Variants in VTI1A observed in about 807,000 individuals in gnomAD.
The protein encoded by VTI1A is vesicle transport through interaction with t-SNAREs homolog 1A.
VTI1A carries 22 observed loss-of-function variants against 34.9 expected under a neutral mutation model. The ratio of observed to expected loss-of-function variants is 0.63; its 90% CI spans 0.45 to 0.90. VTI1A has a LOEUF of 0.90. Among genes scored for constraint, VTI1A ranks in the 40% least tolerant of loss-of-function variants. VTI1A has a pLI of 0.00. For synonymous variants in VTI1A, 87 were observed against 97.3 expected (o/e 0.89, Z 0.62); for missense variants, 268 against 275.6 (o/e 0.97, Z 0.20).
At chr10:112,556,510 T>C (rs1042074365) in intron 5 of VTI1A, among the ~76,000 whole-genome samples, 11 of 152,048 alleles carry the variant, frequency 7.2e-5, no homozygotes, top group African/African-American at 2.4e-4. Flanking sequence ...GTGGTCTCAT[T>C]CAGTGTAGAC....
intron 7 of VTI1A, among the ~76,000 whole-genome samples, chr10:112,764,107 G>A (rs1023049290): frequency 7.2e-5 from 11 of 152,154 alleles, no homozygotes; most frequent in African/African-American, 2.4e-4. Flanking sequence ...ACTGATGCCC[G>A]ACCTATAGCA....
At chr10:112,688,161 C>A (rs1421773362) in intron 7 of VTI1A, among the ~76,000 whole-genome samples, 1 of 151,750 alleles carries the variant, frequency 6.6e-6, no homozygotes, top group Non-Finnish European at 1.5e-5. Context: ...ACCTTGTTGG[C>A]CAGGCTGGTC....
chr10:112,553,857 C>T (rs566590941), intron 5 of VTI1A, among the ~76,000 whole-genome samples: 1 of 152,242 alleles, frequency 6.6e-6, no homozygotes, highest in East Asian at 1.9e-4. Context: ...AGAGGGAGAA[C>T]AATATAGGTG....
intron 4 of VTI1A, among the ~76,000 whole-genome samples, chr10:112,528,985 G>A (rs1334618684): frequency 6.6e-6 from 1 of 152,010 alleles, no homozygotes; most frequent in Non-Finnish European, 1.5e-5. Flanking sequence ...CACAAAAATA[G>A]ATTGAGTTCA....
In VTI1A at chr10:112,447,341, G is replaced by A. The variant is rs746457702; in HGVS notation, c.-33G>A. The A allele has an allele frequency of 6.2e-7, 1 of 1,606,124 alleles. No homozygotes were observed. Among genetic ancestry groups the A allele is most frequent in the East Asian group, 2.2e-5 (1 of 44,504 alleles). On this transcript the variant is annotated 5_prime_UTR_variant, in exon 1 of 8. Transcript: ENST00000393077. ...CCTCGAGGCCCTTTCCCTGACCTAGGCTTTGGCCTGGGCTACTCGTTCCGG... is the reference window on the plus strand; with the variant it reads ...CCTCGAGGCCCTTTCCCTGACCTAGACTTTGGCCTGGGCTACTCGTTCCGG...
chr10:112,709,231 G>A (rs1849312224), intron 7 of VTI1A, among the ~76,000 whole-genome samples: 1 of 152,128 alleles, frequency 6.6e-6, no homozygotes, highest in Admixed American at 6.5e-5. Flanking sequence ...CCTTCTTTAA[G>A]AGTGTCTGGT....
chr10:112,507,182 G>T (rs1849460459), intron 3 of VTI1A, among the ~76,000 whole-genome samples: 1 of 152,030 alleles, frequency 6.6e-6, no homozygotes. Context: ...ATGTCTTTAG[G>T]CTGGAGTTAG....
At chr10:112,583,313 G>A (rs890735554) in intron 5 of VTI1A, among the ~76,000 whole-genome samples, 2 of 152,032 alleles carry the variant, frequency 1.3e-5, no homozygotes, top group African/African-American at 4.8e-5. Flanking sequence ...ATTTTCTCAG[G>A]TCCCTAAGTT....
At chr10:112,519,064 A>G (rs1407207413) in intron 3 of VTI1A, among the ~76,000 whole-genome samples, 5 of 152,106 alleles carry the variant, frequency 3.3e-5, no homozygotes, top group Non-Finnish European at 7.4e-5. Flanking sequence ...TCTCTGAATT[A>G]TGAACCCTAT....
At chr10:112,813,580 A>C (rs1234745026) in intron 7 of VTI1A, among the ~76,000 whole-genome samples, 1 of 152,016 alleles carries the variant, frequency 6.6e-6, no homozygotes, top group Non-Finnish European at 1.5e-5. Flanking sequence ...AGGGGGAAAA[A>C]ATCAATTTGG....
chr10:112,778,094 C>G (rs1852004069), intron 7 of VTI1A, among the ~76,000 whole-genome samples: 1 of 151,806 alleles, frequency 6.6e-6, no homozygotes, highest in Non-Finnish European at 1.5e-5. Context: ...AAGAGCAAAA[C>G]TCCATCTCAA....
chr10:112,454,355 G>C (rs1034103608), intron 1 of VTI1A, among the ~76,000 whole-genome samples: 2 of 152,170 alleles, frequency 1.3e-5, no homozygotes, highest in African/African-American at 4.8e-5. Context: ...TAGGAAATGA[G>C]AGGCCAAGAT....
intron 7 of VTI1A, among the ~76,000 whole-genome samples, chr10:112,709,982 T>C (rs1476768013): frequency 6.9e-6 from 1 of 144,920 alleles, no homozygotes; most frequent in Non-Finnish European, 1.5e-5. Context: ...ATTGTACTGC[T>C]CTTGTTGGAC....
At chr10:112,832,060 C>A in the VTI1A span, 1 of 152,270 alleles carries the variant, frequency 6.6e-6, no homozygotes, top group Non-Finnish European at 1.5e-5. Flanking sequence ...AAAAGGATAG[C>A]TCGGCTGGTC....
intron 4 of VTI1A, among the ~76,000 whole-genome samples, chr10:112,536,109 A>G (rs1850605644): frequency 6.6e-6 from 1 of 152,202 alleles, no homozygotes; most frequent in Admixed American, 6.5e-5. Context: ...TCCTACATTA[A>G]ATATTATTAT....
At chr10:112,520,836 A>G (rs2134206737) in intron 3 of VTI1A, among the ~76,000 whole-genome samples, 1 of 152,158 alleles carries the variant, frequency 6.6e-6, no homozygotes, top group Admixed American at 6.6e-5. Flanking sequence ...AGCAAAAATA[A>G]TAAATGAGAG....
At position 112,816,006 on chromosome 10, in the gene VTI1A, TA is replaced by T. The variant is rs558637649; in HGVS notation, c.*624del. On this transcript the variant is annotated 3_prime_UTR_variant, in exon 8 of 8. Transcript: ENST00000393077. The stretch of plus-strand genomic sequence containing the variant: ...CATAATTTTTTTTTTAACCCAAAGA[TA>T]TTTTTTTTGCTGAGCCTGCCCAGTA... The T allele has an allele frequency of 8.6e-4, 194 of 224,826 alleles. No homozygotes were observed. The highest frequency in any genetic ancestry group is 1.2e-3 in the Non-Finnish European group (132 of 112,896). The allele number at this position is 224,826 out of a possible 1,614,324, so 13.9% of individuals were successfully genotyped here. A position where few individuals can be genotyped will look rare whatever the true frequency, so the allele number is the denominator to read the frequency against.
chr10:112,597,612 G>A (rs1390595753), intron 5 of VTI1A, among the ~76,000 whole-genome samples: 3 of 87,560 alleles, frequency 3.4e-5, no homozygotes, highest in Non-Finnish European at 7.7e-5. Context: ...GAGCCCAAGA[G>A]TTTGAGGCTG....
intron 5 of VTI1A, among the ~76,000 whole-genome samples, chr10:112,583,247 C>A (rs183468969): frequency 6.6e-6 from 1 of 152,280 alleles, no homozygotes; most frequent in East Asian, 1.9e-4. Context: ...CACCTAGACA[C>A]CATATGTAGT....
Sources: gnomAD v4.1 joint callset for allele counts (sites outside exome capture counted in the v4.1 genomes callset) on GRCh38, gnomAD v4.1.1 for gene constraint, MANE v1.5 for transcripts, NCBI Gene and HGNC (gene_info 2026-07-23, HGNC 2026-07-21) for gene names.